Variants in KEAP1 observed in about 807,000 individuals in gnomAD.
KEAP1 encodes the protein kelch like ECH associated protein 1.
KEAP1 carries 26 observed loss-of-function variants against 59.7 expected under a neutral mutation model. The observed-to-expected ratio is 0.44, with a 90% CI of 0.32 to 0.60. KEAP1 has a LOEUF of 0.60. Ranked by LOEUF, KEAP1 falls within the 20% of genes least tolerant of loss-of-function variation. The pLI is 0.06. For missense variants in KEAP1, 539 were observed against 871.4 expected, an observed-to-expected ratio of 0.62 and a Z score of 4.80; for synonymous variants, 350 against 358.3, an observed-to-expected ratio of 0.98 and a Z score of 0.26.
intron 2 of KEAP1, among the ~76,000 whole-genome samples, chr19:10,495,802 T>C (rs980061553): frequency 3.3e-5 from 5 of 152,166 alleles, no homozygotes; most frequent in African/African-American, 9.6e-5. Flanking sequence ...AAATGCTCCA[T>C]GTCTTGGTTT....
In KEAP1 at chr19:10,486,179, T is replaced by C. The variant is rs2144575455; in HGVS notation, c.*473A>G. The C allele has an allele frequency of 4.3e-6, 1 of 230,598 alleles. No homozygotes were observed. Among genetic ancestry groups the C allele is most frequent in the South Asian group, 1.8e-4 (1 of 5,560 alleles). The allele number at this position is 230,598 out of a possible 1,614,324, so 14.3% of individuals were successfully genotyped here. ...TTTCCTTGGAAAATTACAGGGTTAC[T>C]TATCAACAAAATAACTGTCCATCCG... On this transcript the variant is annotated 3_prime_UTR_variant, in exon 6 of 6. Transcript: ENST00000171111.
intron 5 of KEAP1, among the ~76,000 whole-genome samples, chr19:10,488,516 G>A (rs918513978): frequency 1.3e-5 from 2 of 151,292 alleles, no homozygotes; most frequent in South Asian, 2.1e-4. Context: ...GGAGGCTGAT[G>A]GGGGAGAATC....
chr19:10,493,384 G>A (rs59274577), intron 2 of KEAP1, among the ~76,000 whole-genome samples: 4,554 of 151,712 alleles, frequency 0.03, 237 homozygotes, highest in African/African-American at 0.1. Flanking sequence ...GGATGGTCTC[G>A]ATCTCCTGAC....
At chr19:10,496,940 G>A (rs1239494956) in intron 2 of KEAP1, among the ~76,000 whole-genome samples, 1 of 151,930 alleles carries the variant, frequency 6.6e-6, no homozygotes, top group East Asian at 1.9e-4. Flanking sequence ...CCAACATGGT[G>A]AAACCCCATC....
chr19:10,489,054 C>G, intron 5 of KEAP1, 138 bp downstream of exon 5: 1 of 723,320 alleles, frequency 1.4e-6, no homozygotes, highest in Non-Finnish European at 2.2e-6. Context: ...GTGATCACAC[C>G]ACTGCACTCC....
chr19:10,501,629 C>T (rs906714090), intron 1 of KEAP1, among the ~76,000 whole-genome samples: 1 of 151,668 alleles, frequency 6.6e-6, no homozygotes, highest in Non-Finnish European at 1.5e-5. Flanking sequence ...GACTCCATCT[C>T]AAATAAAACA....
intron 5 of KEAP1, 116 bp from the exon 6 acceptor site, chr19:10,486,934 C>A: frequency 9.3e-7 from 1 of 1,080,348 alleles, no homozygotes; most frequent in African/African-American, 1.6e-5. Flanking sequence ...TGGTGGCTCA[C>A]GCCTATAATC....
intron 2 of KEAP1, among the ~76,000 whole-genome samples, chr19:10,496,628 C>A (rs191693529): frequency 6.6e-6 from 1 of 151,710 alleles, no homozygotes. Flanking sequence ...ATGGTGAAAC[C>A]CTGTCTCTAC....
At chr19:10,489,496 A>G in intron 4 of KEAP1, 128 bp from the exon 5 acceptor site, 1 of 1,257,698 alleles carries the variant, frequency 8.0e-7, no homozygotes, top group South Asian at 1.4e-5. Context: ...GCGGGGAGAG[A>G]GAGAAGCTTG....
At chr19:10,490,105 A>G (rs1275829384) in intron 3 of KEAP1, among the ~76,000 whole-genome samples, 1 of 151,964 alleles carries the variant, frequency 6.6e-6, no homozygotes, top group East Asian at 2.0e-4. Context: ...TACAAAAATT[A>G]GCTGGGTGTG....
At position 10,499,331 on chromosome 19, in the gene KEAP1, A is replaced by T. The variant is rs2144623384; in HGVS notation, c.639+64T>A. On this transcript the variant is annotated intron_variant, in intron 2 of 5. Transcript: ENST00000171111. This position sits in a 1 kb window ranked among gnomAD's most constrained non-coding sequence, Gnocchi z 6.7. ...CTTGACATCTCAAGGGGAGACAGTG[A>T]TGAGCACTCGTCCATCCCTGGTCCT... The T allele has an allele frequency of 7.2e-7, 1 of 1,385,906 alleles. No individual in the cohort carries two copies. The highest frequency in any genetic ancestry group is 1.4e-5 in the African/African-American group (1 of 70,530). 85.9% of individuals were successfully genotyped at this position (1,385,906 alleles called of 1,614,324 possible).
At chr19:10,488,574 T>C (rs1303202182) in intron 5 of KEAP1, among the ~76,000 whole-genome samples, 1 of 151,254 alleles carries the variant, frequency 6.6e-6, no homozygotes, top group African/African-American at 2.4e-5. Flanking sequence ...ATCGTGCCAT[T>C]GCACTCCAGC....
intron 2 of KEAP1, among the ~76,000 whole-genome samples, chr19:10,498,804 G>A (rs1253604784): frequency 1.3e-5 from 2 of 151,740 alleles, no homozygotes; most frequent in Non-Finnish European, 2.9e-5. Flanking sequence ...CCCCACATGT[G>A]TAGACAAGGA....
Position 10,499,294 on chromosome 19 carries a change from C to G in KEAP1, c.639+101G>C. On this transcript the variant is annotated intron_variant, in intron 2 of 5. Coordinates refer to ENST00000171111, the MANE Select transcript of KEAP1 (RefSeq NM_203500.2). This position sits in a 1 kb window ranked among gnomAD's most constrained non-coding sequence, Gnocchi z 6.7. ...ACCCAGCCCAGAACCTCCTTTTTCT[C>G]CAGTTTCCTGCCTTGACATCTCAAG... 8.8e-7 allele frequency: 1 copy of G among 1,138,702 alleles called. No individual in the cohort carries two copies. The highest frequency in any genetic ancestry group is 1.2e-6 in the Non-Finnish European group (1 of 812,780). 70.5% of individuals were successfully genotyped at this position (1,138,702 alleles called of 1,614,324 possible).
In KEAP1 at chr19:10,486,740, C is replaced by G. The variant is rs1190115073; in HGVS notation, c.1787G>C (p.Arg596Pro). The G allele has an allele frequency of 6.2e-7, 1 of 1,614,090 alleles. No homozygotes were observed. The highest frequency in any genetic ancestry group is 1.1e-5 in the South Asian group (1 of 91,078). Residue 596 changes from arginine (R) to proline (P), a missense_variant, in exon 6 of 6, where the codon CGA (arginine) becomes CCA (proline). By Grantham distance (103) the Arg-to-Pro change is moderately radical (BLOSUM62 -2). Transcript: ENST00000171111. ...CACCCCACTCCGGCCCGATGTCATT[C>G]GGGTCACCTCGCTCCAGGTGTCTGT... Reference protein sequence around the residue: ...PDTDTWSEVTRMTSGRSGVGV... With the variant: ...PDTDTWSEVTPMTSGRSGVGV...
At chr19:10,500,171 G>A (rs1159715907) in intron 1 of KEAP1, 91 bp from the exon 2 acceptor site, 1 of 941,858 alleles carries the variant, frequency 1.1e-6, no homozygotes, top group East Asian at 2.7e-5. Flanking sequence ...GCAATTCCTA[G>A]GTCAGTTTTC....
chr19:10,489,439 AGGGAGAC>A, intron 4 of KEAP1, 71 bp from the exon 5 acceptor site: 1 of 1,476,208 alleles, frequency 6.8e-7, no homozygotes, highest in Non-Finnish European at 9.3e-7. Flanking sequence ...CACCTCCTTG[AGGGAGAC>A]CTTTCCTCTC....
chr19:10,491,427 A>G lies in KEAP1; in HGVS notation c.1325+150T>C. ...ACAGAATCAAAGGTCACTGACTAGA[A>G]CTCTCCAAGGAGCTTAGCTTCATCC... On this transcript the variant is annotated intron_variant, in intron 3 of 5. Coordinates refer to ENST00000171111, the MANE Select transcript of KEAP1 (RefSeq NM_203500.2). The surrounding 1 kb of genome is among the most constrained non-coding windows in gnomAD (Gnocchi z 5.2). 1.7e-6 allele frequency: 1 copy of G among 579,518 alleles called. No homozygotes were observed. The highest frequency in any genetic ancestry group is 3.2e-5 in the East Asian group (1 of 30,980). 35.9% of individuals were successfully genotyped at this position (579,518 alleles called of 1,614,324 possible).
In KEAP1 at chr19:10,499,599, G is replaced by A. The variant is rs776871102; in HGVS notation, c.435C>T (p.Ile145=). Residue 145 remains isoleucine, a synonymous_variant, in exon 2 of 6, where the codon ATC becomes ATT. Coordinates refer to ENST00000171111, the MANE Select transcript of KEAP1 (RefSeq NM_203500.2). This position sits in a 1 kb window ranked among gnomAD's most constrained non-coding sequence, Gnocchi z 6.7. ...RLIEFAYTAS[I]SMGEKCVLHV... ...GGAGGACACACTTCTCGCCCATGGA[G>A]ATGGAGGCCGTGTAGGCGAATTCAA... 6 of 1,613,984 alleles carry A rather than the reference G, an allele frequency of 3.7e-6. No homozygotes were observed. The highest frequency in any genetic ancestry group is 1.7e-6 in the Non-Finnish European group (2 of 1,180,056).
Sources: allele counts gnomAD v4.1 joint callset (sites outside exome capture counted in the v4.1 genomes callset), GRCh38; gene constraint gnomAD v4.1.1; non-coding constraint Gnocchi (gnomAD v3.1); transcripts MANE v1.5; gene names NCBI Gene and HGNC (gene_info 2026-07-23, HGNC 2026-07-21).